WNT11: variants seen among roughly 807,000 people sequenced by gnomAD.
WNT11 encodes the protein protein Wnt-11.
A neutral mutation model predicts 35.6 loss-of-function variants in WNT11; 20 were observed. That is an observed-to-expected ratio of 0.56 (90% confidence interval 0.40 to 0.82). The LOEUF (loss-of-function observed/expected upper bound fraction) is 0.82. WNT11 is among the 40% of genes least tolerant of loss of function. The pLI is 0.00. For synonymous variants in WNT11, 200 were observed against 211.9 expected (o/e 0.94, Z 0.49); for missense variants, 459 against 504.4 (o/e 0.91, Z 0.86).
At chr11:76,189,470 G>A (rs1953147070) in intron 4 of WNT11, among the ~76,000 whole-genome samples, 3 of 152,196 alleles carry the variant, frequency 2.0e-5, no homozygotes, top group South Asian at 4.1e-4. Context: ...GAGGGCTAGG[G>A]TTTGGAATAT....
chr11:76,200,698 C>T (rs534038071), intron 1 of WNT11, among the ~76,000 whole-genome samples: 11 of 152,238 alleles, frequency 7.2e-5, no homozygotes, highest in Non-Finnish European at 1.6e-4. Flanking sequence ...GGTCCCCACT[C>T]TGCTTTGCTC....
upstream of WNT11, among the ~76,000 whole-genome samples, chr11:76,209,296 A>G (rs1467106636): frequency 6.6e-6 from 1 of 151,380 alleles, no homozygotes; most frequent in Non-Finnish European, 1.5e-5. Flanking sequence ...CAGGGAGAAC[A>G]CCACGAGCGC....
upstream of WNT11, among the ~76,000 whole-genome samples, chr11:76,207,349 G>A (rs1953490587): frequency 6.6e-6 from 1 of 152,190 alleles, no homozygotes; most frequent in Non-Finnish European, 1.5e-5. Flanking sequence ...GGCGACAAGA[G>A]CGAAACTCCG....
At chr11:76,187,308 CAGCCAGGCA>C in intron 4 of WNT11, 69 bp from the exon 5 acceptor site, 2 of 1,441,876 alleles carry the variant, frequency 1.4e-6, no homozygotes, top group East Asian at 2.5e-5. Flanking sequence ...CCATGACTCC[CAGCCAGGCA>C]GCCGGCAGCG....
intron 1 of WNT11, among the ~76,000 whole-genome samples, chr11:76,204,797 G>A (rs1953445449): frequency 6.6e-6 from 1 of 152,086 alleles, no homozygotes; most frequent in South Asian, 2.1e-4. Flanking sequence ...CAGGGTCTCG[G>A]TGTTCCCACT....
chr11:76,199,818 C>A (rs1222317023), intron 1 of WNT11, among the ~76,000 whole-genome samples: 1 of 152,052 alleles, frequency 6.6e-6, no homozygotes, highest in Non-Finnish European at 1.5e-5. Flanking sequence ...ACAAAAAATT[C>A]ATAGATGAAG....
intron 3 of WNT11, among the ~76,000 whole-genome samples, chr11:76,192,859 C>A (rs1953207009): frequency 6.6e-6 from 1 of 152,224 alleles, no homozygotes; most frequent in Admixed American, 6.5e-5. Context: ...CAGGCCTACC[C>A]TCCTGCCTCT....
rs143619116 is a variant in WNT11 at position 76,205,694 on chromosome 11, G to A, written c.83+631C>T. ...CCTGAGCAGGCACTCCCTTCAGCTC[G>A]GCACCAAGCCTCTCTCTCCCTCCTA... On this transcript the variant is annotated intron_variant, in intron 1 of 4. Transcript: ENST00000322563. Among the ~76,000 whole-genome samples the A allele has an allele frequency of 5.9e-3, 892 of 152,104 alleles. 8 individuals carry two copies. The highest frequency in any genetic ancestry group is 0.02 in the African/African-American group (840 of 41,474).
chr11:76,193,491 G>T (rs564893620), intron 3 of WNT11, among the ~76,000 whole-genome samples: 1 of 152,360 alleles, frequency 6.6e-6, no homozygotes, highest in Admixed American at 6.5e-5. Context: ...ATGAGCAGGG[G>T]TAGGGGACAG....
upstream of WNT11, among the ~76,000 whole-genome samples, chr11:76,208,427 C>T: frequency 6.6e-6 from 1 of 152,220 alleles, no homozygotes; most frequent in East Asian, 1.9e-4. Flanking sequence ...GTAACCCAGT[C>T]CCGTCCTCCC....
upstream of WNT11, among the ~76,000 whole-genome samples, chr11:76,207,520 C>A (rs1004379451): frequency 1.3e-5 from 2 of 150,728 alleles, no homozygotes; most frequent in East Asian, 4.0e-4. Flanking sequence ...GGGTGTCCGG[C>A]GAAATCAGGA....
chr11:76,206,245 G>A (rs768058108), intron 1 of WNT11, 80 bp downstream of exon 1: 305 of 1,257,310 alleles, frequency 2.4e-4, no homozygotes, highest in Non-Finnish European at 3.1e-4. Context: ...TGGTGCGCTC[G>A]CCCCATCCAG....
chr11:76,193,512 C>A (rs1163320449), intron 3 of WNT11, among the ~76,000 whole-genome samples: 1 of 152,248 alleles, frequency 6.6e-6, no homozygotes, highest in Admixed American at 6.5e-5. Flanking sequence ...GTCAGCAGGG[C>A]CAGGAGGCAG....
At position 76,206,471 on chromosome 11, in the gene WNT11, C is replaced by A. The variant is rs1388904613; in HGVS notation, c.-64G>T. ...GAGCCGCGCCGAAGTCCTCCGCCTG[C>A]ACGGCCGCCGCTGGTCCTGCACGCC... On this transcript the variant is annotated 5_prime_UTR_variant, in exon 1 of 5. Transcript: ENST00000322563. 1 of 1,325,200 alleles carries A rather than the reference C, an allele frequency of 7.5e-7. No homozygotes were observed. The highest frequency in any genetic ancestry group is 2.0e-5 in the South Asian group (1 of 50,674). 82.1% of individuals were successfully genotyped at this position (1,325,200 alleles called of 1,614,324 possible).
chr11:76,191,861 G>C lies in WNT11; in HGVS notation c.598-5C>G, dbSNP rs768193312. ...TTCCAGAGAGGCGCGCAGAGCCTGC[G>C]GACAGGGGAAGGCGTCAGCTGGGTG... On this transcript the variant is annotated splice_polypyrimidine_tract_variant and splice_region_variant and intron_variant, in intron 3 of 4. Transcript: ENST00000322563. The C allele has an allele frequency of 3.1e-6, 5 of 1,592,868 alleles. No individual in the cohort carries two copies. In the South Asian group the frequency reaches 5.5e-5, roughly 18 times the overall value.
intron 2 of WNT11, among the ~76,000 whole-genome samples, chr11:76,195,330 G>A (rs562687568): frequency 2.6e-5 from 4 of 152,376 alleles, no homozygotes; most frequent in South Asian, 2.1e-4. Context: ...ACCGGATCAG[G>A]GTGGGCCCTA....
upstream of WNT11, among the ~76,000 whole-genome samples, chr11:76,209,723 G>A (rs1953531740): frequency 6.6e-6 from 1 of 152,092 alleles, no homozygotes; most frequent in African/African-American, 2.4e-5. Context: ...GGGAGCACTC[G>A]AGATCCCTCC....
Position 76,206,468 on chromosome 11 carries a change from C to G in WNT11, c.-61G>C, listed in dbSNP as rs1234025248. Reference sequence around the variant, plus strand: ...GAGGAGCCGCGCCGAAGTCCTCCGCCTGCACGGCCGCCGCTGGTCCTGCAC... The same window carrying G: ...GAGGAGCCGCGCCGAAGTCCTCCGCGTGCACGGCCGCCGCTGGTCCTGCAC... On this transcript the variant is annotated 5_prime_UTR_variant, in exon 1 of 5. Coordinates refer to ENST00000322563, the MANE Select transcript of WNT11 (RefSeq NM_004626.3). 1.5e-6 allele frequency: 2 copies of G among 1,330,548 alleles called. No homozygotes were observed. The highest frequency in any genetic ancestry group is 3.1e-5 in the African/African-American group (2 of 65,104). The allele number at this position is 1,330,548 out of a possible 1,614,324, so 82.4% of individuals were successfully genotyped here. A position where few individuals can be genotyped will look rare whatever the true frequency, so the allele number is the denominator to read the frequency against.
Position 76,191,655 on chromosome 11 carries a change from G to C in WNT11, c.799C>G (p.Pro267Ala), listed in dbSNP as rs776060379. 4 of 1,614,034 alleles carry C rather than the reference G, an allele frequency of 2.5e-6. No homozygotes were observed. In the South Asian group the frequency reaches 3.3e-5, roughly 13 times the overall value. ...HLVPKDLDIR[P>A]VKDSELVYLQ... ...TAGACGAGTTCCGAGTCCTTCACAGGCCGGATATCCAGGTCCTTGGGCACC... is the reference window on the plus strand; with the variant it reads ...TAGACGAGTTCCGAGTCCTTCACAGCCCGGATATCCAGGTCCTTGGGCACC... Residue 267 changes from proline (P) to alanine (A), a missense_variant, in exon 4 of 5, where the codon CCT (proline) becomes GCT (alanine). Physicochemically the swap from Pro to Ala is conservative, Grantham distance 27. Transcript: ENST00000322563.
Sources: gnomAD v4.1 joint callset for allele counts (sites outside exome capture counted in the v4.1 genomes callset) on GRCh38, gnomAD v4.1.1 for gene constraint, MANE v1.5 for transcripts, NCBI Gene and HGNC (gene_info 2026-07-23, HGNC 2026-07-21) for gene names.